Variants in IMMP2L observed in about 807,000 individuals in gnomAD.
IMMP2L encodes inner mitochondrial membrane peptidase subunit 2, also known as mitochondrial inner membrane protease subunit 2.
In IMMP2L, 18 loss-of-function variants were observed where a neutral mutation model predicts 19.3. The observed-to-expected ratio is 0.93, with a 90% CI of 0.64 to 1.38. IMMP2L has a LOEUF of 1.38. Among genes scored for constraint, IMMP2L ranks in the 40% most tolerant of loss-of-function variants. IMMP2L has a pLI of 0.00. For synonymous variants in IMMP2L, 76 were observed against 73.0 expected (o/e 1.04, Z -0.21); for missense variants, 233 against 218.2 (o/e 1.07, Z -0.43).
chr7:111,482,398 T>C (rs549921978), intron 3 of IMMP2L, among the ~76,000 whole-genome samples: 123 of 152,266 alleles, frequency 8.1e-4, no homozygotes, highest in South Asian at 7.0e-3. Context: ...CCTTCTACTA[T>C]AGAACTGAAC....
chr7:110,836,598 T>C (rs1011149117), intron 5 of IMMP2L, among the ~76,000 whole-genome samples: 2 of 152,100 alleles, frequency 1.3e-5, no homozygotes, highest in Non-Finnish European at 2.9e-5. Context: ...CTCTTTCTTT[T>C]GTAAATTGCC....
chr7:111,206,489 G>T (rs1810723666), intron 3 of IMMP2L, among the ~76,000 whole-genome samples: 3 of 152,002 alleles, frequency 2.0e-5, no homozygotes, highest in Non-Finnish European at 4.4e-5. Flanking sequence ...GTGCTCTTCA[G>T]ATTTTTTTTT....
At chr7:111,298,950 G>A (rs1821918807) in intron 3 of IMMP2L, among the ~76,000 whole-genome samples, 1 of 152,118 alleles carries the variant, frequency 6.6e-6, no homozygotes, top group Middle Eastern at 3.2e-3. Flanking sequence ...AGTAATGAGT[G>A]TCTGTTATAA....
chr7:110,907,037 G>A (rs1055644553), intron 4 of IMMP2L, among the ~76,000 whole-genome samples: 2 of 151,818 alleles, frequency 1.3e-5, no homozygotes, highest in Non-Finnish European at 2.9e-5. Context: ...CCCTGCAGCA[G>A]CATTAGGCAA....
chr7:110,802,057 A>G (rs1279815952), intron 5 of IMMP2L, among the ~76,000 whole-genome samples: 2 of 152,072 alleles, frequency 1.3e-5, no homozygotes, highest in African/African-American at 2.4e-5. Flanking sequence ...CCTTTACAAC[A>G]TATATTCTTT....
intron 3 of IMMP2L, among the ~76,000 whole-genome samples, chr7:111,349,064 A>G (rs1381903836): frequency 6.6e-6 from 1 of 152,160 alleles, no homozygotes; most frequent in Non-Finnish European, 1.5e-5. Flanking sequence ...ATTTCCAGAC[A>G]TAGTTTTCCT....
chr7:110,905,636 G>A (rs912007850), intron 4 of IMMP2L, among the ~76,000 whole-genome samples: 2 of 152,132 alleles, frequency 1.3e-5, no homozygotes, highest in Non-Finnish European at 2.9e-5. Flanking sequence ...GGCAAAAGAT[G>A]AGAGATCATA....
At position 111,485,597 on chromosome 7, in the gene IMMP2L, C is replaced by CAAAAAAAAAAA. The variant is rs71147477; in HGVS notation, c.239+1630_239+1640dup. On this transcript the variant is annotated intron_variant, in intron 3 of 5. Coordinates refer to ENST00000405709, the MANE Select transcript of IMMP2L (RefSeq NM_032549.4). ...TGCGCAACAGAGCGAGACTCTGTTT[C>CAAAAAAAAAAA]AAAAAAAAAAAAAAAAAAAAAAAAA... Among the ~76,000 whole-genome samples the CAAAAAAAAAAA allele has an allele frequency of 2.4e-4, 12 of 50,592 alleles. 2 individuals carry two copies. Among genetic ancestry groups the CAAAAAAAAAAA allele is most frequent in the African/African-American group, 1.0e-3 (12 of 11,686 alleles). The allele number at this position is 50,592 out of a possible 152,430, so 33.2% of individuals were successfully genotyped here.
chr7:111,505,583 A>G (rs1011611486), intron 2 of IMMP2L, among the ~76,000 whole-genome samples: 3 of 152,198 alleles, frequency 2.0e-5, no homozygotes, highest in Admixed American at 6.5e-5. Flanking sequence ...ATGTCCAACA[A>G]TGATAGACTA....
intron 5 of IMMP2L, among the ~76,000 whole-genome samples, chr7:110,702,373 G>C (rs1794344672): frequency 6.6e-6 from 1 of 152,058 alleles, no homozygotes; most frequent in Non-Finnish European, 1.5e-5. Context: ...TTTTGAATAA[G>C]TGGTTACTTA....
chr7:111,524,462 T>C (rs1002220673), intron 1 of IMMP2L, among the ~76,000 whole-genome samples: 3 of 152,116 alleles, frequency 2.0e-5, no homozygotes, highest in Admixed American at 2.0e-4. Context: ...TATGTTTAAG[T>C]CATATACAAC....
intron 1 of IMMP2L, among the ~76,000 whole-genome samples, chr7:111,530,556 T>A (rs1230064579): frequency 1.3e-5 from 2 of 152,054 alleles, no homozygotes; most frequent in African/African-American, 2.4e-5. Context: ...GAGATTTTTT[T>A]AAAAGCAAAA....
chr7:111,230,543 G>GA (rs1813600763), intron 3 of IMMP2L, among the ~76,000 whole-genome samples: 1 of 152,018 alleles, frequency 6.6e-6, no homozygotes, highest in African/African-American at 2.4e-5. Context: ...TATCCTGAAA[G>GA]AAAATAAACA....
chr7:111,099,845 G>C (rs753834253), intron 3 of IMMP2L: 6 of 151,512 alleles, frequency 4.0e-5, no homozygotes, highest in Non-Finnish European at 7.4e-5. Flanking sequence ...TAAACTTTTG[G>C]GGTTTTTTTC....
At chr7:111,031,830 T>C (rs1036947807) in intron 3 of IMMP2L, among the ~76,000 whole-genome samples, 1 of 152,120 alleles carries the variant, frequency 6.6e-6, no homozygotes, top group Non-Finnish European at 1.5e-5. Flanking sequence ...ATAAATCATG[T>C]TGACAATATG....
chr7:110,799,551 C>T (rs1562983189), intron 5 of IMMP2L, among the ~76,000 whole-genome samples: 1 of 151,952 alleles, frequency 6.6e-6, no homozygotes, highest in Non-Finnish European at 1.5e-5. Context: ...TAGATTACCA[C>T]ATCCTTTGCA....
chr7:110,743,987 A>G (rs563354029), intron 5 of IMMP2L, among the ~76,000 whole-genome samples: 168 of 152,324 alleles, frequency 1.1e-3, no homozygotes, highest in Non-Finnish European at 2.2e-3. Context: ...GATGGAGCTC[A>G]GCAAGCTAAG....
chr7:111,513,329 A>C (rs778895856), intron 2 of IMMP2L, among the ~76,000 whole-genome samples: 31 of 152,164 alleles, frequency 2.0e-4, no homozygotes, highest in Admixed American at 1.3e-4. Flanking sequence ...CAAGACATAC[A>C]AATGGCCCAG....
At chr7:110,792,910 T>G (rs1006787947) in intron 5 of IMMP2L, among the ~76,000 whole-genome samples, 4 of 152,034 alleles carry the variant, frequency 2.6e-5, no homozygotes, top group Non-Finnish European at 5.9e-5. Context: ...TAAAAAAGAA[T>G]GTCCTGCCAC....
Sources: gnomAD v4.1 joint callset for allele counts (sites outside exome capture counted in the v4.1 genomes callset) on GRCh38, gnomAD v4.1.1 for gene constraint, MANE v1.5 for transcripts, NCBI Gene and HGNC (gene_info 2026-07-23, HGNC 2026-07-21) for gene names.